KIAA1614: variants seen among roughly 807,000 people sequenced by gnomAD.
The protein encoded by KIAA1614 is uncharacterized protein KIAA1614.
KIAA1614 carries 76 observed loss-of-function variants against 88.7 expected under a neutral mutation model. That is an observed-to-expected ratio of 0.86 (90% CI 0.71 to 1.04). KIAA1614 has a LOEUF of 1.04. KIAA1614 is among the 50% of genes least tolerant of loss of function. KIAA1614 has a pLI of 0.00. For synonymous variants in KIAA1614, 714 were observed against 675.5 expected (o/e 1.06, Z -0.88); for missense variants, 1,553 against 1,582.5 (o/e 0.98, Z 0.32).
In KIAA1614 at chr1:180,944,418, T is replaced by G; in HGVS notation, c.3189T>G (p.Ala1063=). ...PVSPSHQRRK[A]ASFQNLHSLL... is the part of the protein sequence containing the mutation. ...CACCCTCTCACCAGCGTCGGAAAGC[T>G]GCCTCTTTTCAGAACCTCCATTCTC... The change falls in exon 8 of 9, where the codon GCT becomes GCG. Residue 1063 remains alanine, a synonymous_variant. Transcript: ENST00000367588. 6.2e-7 allele frequency: 1 copy of G among 1,613,956 alleles called. No homozygotes were observed. Among genetic ancestry groups the G allele is most frequent in the Non-Finnish European group, 8.5e-7 (1 of 1,179,866 alleles).
rs2102269522 is a variant in KIAA1614, at chr1:180,935,320, C to T, written c.1411C>T (p.Arg471Cys). 1 of 1,479,736 alleles carries T rather than the reference C, an allele frequency of 6.8e-7. No individual in the cohort carries two copies. The highest frequency in any genetic ancestry group is 8.9e-7 in the Non-Finnish European group (1 of 1,118,132). 91.7% of individuals were successfully genotyped at this position (1,479,736 alleles called of 1,614,324 possible). The change falls in exon 5 of 9, where the codon CGC (arginine) becomes TGC (cysteine). Residue 471 changes from arginine to cysteine, a missense_variant. Arg to Cys is a radical substitution (Grantham distance 180, BLOSUM62 -3). Coordinates refer to ENST00000367588, the MANE Select transcript of KIAA1614 (RefSeq NM_020950.2). The surrounding 1 kb of genome is among the most constrained non-coding windows in gnomAD (Gnocchi z 6.1). ...EFRHLERLQQRQRQVLSTVLQ... is the reference protein window; with the variant it reads ...EFRHLERLQQCQRQVLSTVLQ... ...CCGTCACCTGGAGCGGCTGCAGCAG[C>T]GCCAGCGCCAGGTGCTGAGCACCGT...
Position 180,926,474 on chromosome 1 carries a change from G to GA in KIAA1614, c.1062-1935dup, listed in dbSNP as rs60582450. On this transcript the variant is annotated intron_variant, in intron 3 of 8. Coordinates refer to ENST00000367588, the MANE Select transcript of KIAA1614 (RefSeq NM_020950.2). ...GGAACTGAAGCAAGACAGCTGATGA[G>GA]AAAAAAAAAAAAAAAAAAAAAGTAA... Among the ~76,000 whole-genome samples, 1,200 of 126,840 alleles carry GA rather than the reference G, an allele frequency of 9.5e-3. 20 individuals carry two copies. Among genetic ancestry groups the GA allele is most frequent in the African/African-American group, 0.031 (1,120 of 36,310 alleles). The allele number at this position is 126,840 out of a possible 152,430, so 83.2% of individuals were successfully genotyped here.
chr1:180,937,777 C>T (rs141485599), intron 5 of KIAA1614, among the ~76,000 whole-genome samples: 68 of 152,300 alleles, frequency 4.5e-4, no homozygotes, highest in African/African-American at 1.6e-3. Flanking sequence ...CTTGAGGCAA[C>T]CGCCTCCCCC....
chr1:180,928,259 G>GC, intron 3 of KIAA1614, 171 bp from the exon 4 acceptor site: 1 of 783,806 alleles, frequency 1.3e-6, no homozygotes, highest in Non-Finnish European at 1.9e-6. Flanking sequence ...CAGGCCCCAG[G>GC]CCCCAGGCCC....
rs1222785765 is a variant in KIAA1614 at position 180,941,048 on chromosome 1, A to G, written c.2922A>G (p.Ala974=). ...CACCTCCACCCTTGTGTTTCAGAGC[A>G]TCAGCAGGAGCTGGCACAGGACCCG... ...SGSGGHVLSR[A]SAGAGTGPGS... The change falls in exon 7 of 9, where the codon GCA becomes GCG. Residue 974 remains alanine, a synonymous_variant. Coordinates refer to ENST00000367588, the MANE Select transcript of KIAA1614 (RefSeq NM_020950.2). 5.4e-6 allele frequency: 7 copies of G among 1,297,166 alleles called. No homozygotes were observed. Among genetic ancestry groups the G allele is most frequent in the Non-Finnish European group, 6.1e-6 (6 of 981,188 alleles). 80.4% of individuals were successfully genotyped at this position (1,297,166 alleles called of 1,614,324 possible). A position where few individuals can be genotyped will look rare whatever the true frequency, so the allele number is the denominator to read the frequency against.
chr1:180,917,128 G>A (rs930742060), intron 2 of KIAA1614, 28 bp downstream of exon 2: 13 of 1,581,106 alleles, frequency 8.2e-6, no homozygotes, highest in African/African-American at 1.3e-5. Flanking sequence ...GGTCCAGGTG[G>A]TGGGGGGAGC....
At chr1:180,926,662 C>T (rs1654075665) in intron 3 of KIAA1614, among the ~76,000 whole-genome samples, 1 of 152,256 alleles carries the variant, frequency 6.6e-6, no homozygotes, top group Non-Finnish European at 1.5e-5. Context: ...CGTGGAACCA[C>T]AGCTGTCACC....
chr1:180,918,712 A>T (rs1443193090), intron 3 of KIAA1614, among the ~76,000 whole-genome samples: 1 of 152,200 alleles, frequency 6.6e-6, no homozygotes, highest in Admixed American at 6.5e-5. Context: ...CGGAGGGCAG[A>T]GGTCGACACG....
chr1:180,941,024 A>ACC, intron 6 of KIAA1614, 21 bp from the exon 7 acceptor site: 1 of 177,920 alleles, frequency 5.6e-6, no homozygotes, highest in Non-Finnish European at 7.9e-6. Context: ...CCGCCCCCTC[A>ACC]CCTCCACCCT....
rs1261396134 is a variant in KIAA1614, at chr1:180,943,027, G to GTTTTTTTTTTTTTTTTTTTTTTTT, written c.3160-1362_3160-1361insTTTTTTTTTTTTTTTTTTTTTTTT. ...GTTTGCTGGGAGGCTTAGTTTTTTG[G>GTTTTTTTTTTTTTTTTTTTTTTTT]GTTTTTTTTTTTTTTTTAAGATGGA... On this transcript the variant is annotated intron_variant, in intron 7 of 8. Coordinates refer to ENST00000367588, the MANE Select transcript of KIAA1614 (RefSeq NM_020950.2). 9.0e-5 allele frequency among the ~76,000 whole-genome samples: 2 copies of GTTTTTTTTTTTTTTTTTTTTTTTT among 22,330 alleles called. 1 individual carries two copies. The highest frequency in any genetic ancestry group is 1.9e-4 in the African/African-American group (2 of 10,530). 14.6% of individuals were successfully genotyped at this position (22,330 alleles called of 152,430 possible).
intron 3 of KIAA1614, among the ~76,000 whole-genome samples, chr1:180,925,870 A>C (rs368977842): frequency 6.6e-6 from 1 of 152,062 alleles, no homozygotes; most frequent in Admixed American, 6.5e-5. Context: ...AACTCCCCCA[A>C]GGGGGGACCT....
rs1363417817 is a variant in KIAA1614, at chr1:180,941,244, A to C, written c.3118A>C (p.Thr1040Pro). 1 of 1,613,560 alleles carries C rather than the reference A, an allele frequency of 6.2e-7. No homozygotes were observed. The highest frequency in any genetic ancestry group is 1.3e-5 in the African/African-American group (1 of 74,912). Reference protein sequence around the residue: ...EQLQPAPPGLTSQSRAPSLQS... With the variant: ...EQLQPAPPGLPSQSRAPSLQS... ...GTTGCAGCCCGCCCCGCCTGGCCTG[A>C]CGTCACAGTCCAGGGCCCCATCGTT... is the stretch of plus-strand genomic sequence containing the variant. Residue 1040 changes from threonine to proline, a missense_variant, in exon 7 of 9, where the codon ACG becomes CCG. Coordinates refer to ENST00000367588, the MANE Select transcript of KIAA1614 (RefSeq NM_020950.2).
Position 180,916,762 on chromosome 1 carries a change from G to T in KIAA1614, c.659G>T (p.Arg220Leu). ...QSPIHGVTPG[R>L]PGGPGHCNKI... ...CCGATCCATGGAGTTACTCCCGGAC[G>T]GCCTGGGGGTCCTGGTCATTGTAAC... Residue 220 changes from arginine (R) to leucine (L), a missense_variant, in exon 2 of 9, where the codon CGG becomes CTG. Physicochemically the swap from Arg to Leu is moderately radical, Grantham distance 102. Coordinates refer to ENST00000367588, the MANE Select transcript of KIAA1614 (RefSeq NM_020950.2). The T allele has an allele frequency of 6.2e-7, 1 of 1,614,208 alleles. No homozygotes were observed. The highest frequency in any genetic ancestry group is 8.5e-7 in the Non-Finnish European group (1 of 1,180,032).
At chr1:180,932,356 C>T (rs1394458041) in intron 4 of KIAA1614, among the ~76,000 whole-genome samples, 5 of 151,568 alleles carry the variant, frequency 3.3e-5, no homozygotes, top group Non-Finnish European at 7.4e-5. Context: ...CTTTTGCCTT[C>T]GTGGGCCTCT....
chr1:180,921,151 T>C (rs1249990472), intron 3 of KIAA1614, among the ~76,000 whole-genome samples: 1 of 151,514 alleles, frequency 6.6e-6, no homozygotes, highest in African/African-American at 2.4e-5. Flanking sequence ...GGTGGGGCCG[T>C]TTTATAGGAT....
intron 7 of KIAA1614, among the ~76,000 whole-genome samples, chr1:180,943,420 C>T (rs1309405601): frequency 1.7e-5 from 2 of 116,782 alleles, no homozygotes; most frequent in African/African-American, 6.5e-5. Context: ...CTGTTATATA[C>T]ATGTGCACAC....
At chr1:180,922,837 G>C (rs948006593) in intron 3 of KIAA1614, among the ~76,000 whole-genome samples, 9 of 152,174 alleles carry the variant, frequency 5.9e-5, no homozygotes, top group African/African-American at 2.2e-4. Flanking sequence ...AGATAGGATC[G>C]GGCCCCACAG....
At chr1:180,926,056 G>A (rs1654061228) in intron 3 of KIAA1614, among the ~76,000 whole-genome samples, 1 of 152,182 alleles carries the variant, frequency 6.6e-6, no homozygotes, top group African/African-American at 2.4e-5. Context: ...CACCCTCTGA[G>A]CTAATGAGCT....
intron 4 of KIAA1614, among the ~76,000 whole-genome samples, chr1:180,931,306 G>T (rs1015791119): frequency 6.6e-6 from 1 of 152,226 alleles, no homozygotes; most frequent in African/African-American, 2.4e-5. Flanking sequence ...AGAGAGAGTG[G>T]CTGTGTTGAG....
Sources: allele counts gnomAD v4.1 joint callset (sites outside exome capture counted in the v4.1 genomes callset), GRCh38; gene constraint gnomAD v4.1.1; non-coding constraint Gnocchi (gnomAD v3.1); transcripts MANE v1.5; gene names NCBI Gene and HGNC (gene_info 2026-07-23, HGNC 2026-07-21).